The following TMEM41B variants were observed in gnomAD, a reference collection of about 807,000 sequenced individuals.
The protein encoded by TMEM41B is transmembrane protein 41B.
In TMEM41B, 18 loss-of-function variants were observed where a neutral mutation model predicts 31.9. The ratio of observed to expected loss-of-function variants is 0.56; its 90% confidence interval spans 0.39 to 0.84. The LOEUF is 0.84. Ranked by LOEUF, TMEM41B falls within the 40% of genes least tolerant of loss-of-function variation. The pLI is 0.00. For missense variants in TMEM41B, 322 were observed against 348.0 expected (o/e 0.93, Z 0.59); for synonymous variants, 144 against 124.3 (o/e 1.16, Z -1.05).
intron 2 of TMEM41B, among the ~76,000 whole-genome samples, chr11:9,296,119 C>T (rs1051496548): frequency 4.0e-5 from 6 of 150,172 alleles, no homozygotes; most frequent in Admixed American, 4.0e-4. Context: ...GGCCTCCCAA[C>T]GTGCTGGGAT....
At chr11:9,293,927 A>C (rs1011144665) in intron 3 of TMEM41B, among the ~76,000 whole-genome samples, 1 of 152,086 alleles carries the variant, frequency 6.6e-6, no homozygotes, top group Non-Finnish European at 1.5e-5. Context: ...CAGTGTTGTC[A>C]GGCGTGGCGG....
chr11:9,289,135 T>C (rs1295302820), intron 3 of TMEM41B, among the ~76,000 whole-genome samples: 1 of 152,122 alleles, frequency 6.6e-6, no homozygotes, highest in Non-Finnish European at 1.5e-5. Context: ...TTGCAAGTAG[T>C]TGGGATCACG....
chr11:9,309,826 G>A (rs1853510250), intron 1 of TMEM41B, among the ~76,000 whole-genome samples: 1 of 150,568 alleles, frequency 6.6e-6, no homozygotes, highest in Admixed American at 6.6e-5. Context: ...GGAGGCTGAG[G>A]CAGGAGAATG....
chr11:9,314,517 A>G lies in TMEM41B; in HGVS notation c.-76T>C. The G allele has an allele frequency of 6.8e-7, 1 of 1,470,992 alleles. No homozygotes were observed. The highest frequency in any genetic ancestry group is 9.0e-7 in the Non-Finnish European group (1 of 1,107,090). The allele number at this position is 1,470,992 out of a possible 1,614,324, so 91.1% of individuals were successfully genotyped here. ...AAAACTCTGTTGCAGGCTCCTTACT[A>G]CGCCGAAGCGCCACGGCTAGAGCCA... On this transcript the variant is annotated 5_prime_UTR_variant, in exon 1 of 7. Transcript: ENST00000528080.
chr11:9,286,500 CAGG>C lies in TMEM41B; in HGVS notation c.658_660del (p.Pro220del). On this transcript the variant is annotated inframe_deletion, in exon 6 of 7. Coordinates refer to ENST00000528080, the MANE Select transcript of TMEM41B (RefSeq NM_015012.4). ...AAAACTTTCAATGGCACGTTTATCA[CAGG>C]AGATGTGATATTAATAAACCAATTA... 1 of 1,612,582 alleles carries C rather than the reference CAGG, an allele frequency of 6.2e-7. No individual in the cohort carries two copies. The highest frequency in any genetic ancestry group is 8.5e-7 in the Non-Finnish European group (1 of 1,179,578).
chr11:9,309,252 A>G (rs1184423812), intron 1 of TMEM41B, among the ~76,000 whole-genome samples: 1 of 151,816 alleles, frequency 6.6e-6, no homozygotes, highest in Admixed American at 6.6e-5. Flanking sequence ...ATTTCAAAAA[A>G]AAAGAAAGAA....
intron 3 of TMEM41B, among the ~76,000 whole-genome samples, chr11:9,289,625 C>T (rs7114748): frequency 0.7 from 106,263 of 152,050 alleles, 37,454 homozygotes; most frequent in Non-Finnish European, 0.74. Flanking sequence ...ATCCAGCTAC[C>T]GCTCATCTTC....
At chr11:9,304,225 G>C (rs80293955) in intron 1 of TMEM41B, among the ~76,000 whole-genome samples, 2,821 of 152,192 alleles carry the variant, frequency 0.019, 83 homozygotes, top group African/African-American at 0.064. Flanking sequence ...TCTCAGGTAG[G>C]TCAAACATGA....
rs181095329 is a variant in TMEM41B, at chr11:9,287,301, A to C, written c.567+401T>G. On this transcript the variant is annotated intron_variant, in intron 5 of 6. Transcript: ENST00000528080. Reference sequence around the variant, plus strand: ...ACTCCAGCCTGGGTGACAGAGTAAGACTCCGTCTCAAAAAAAGAAAAGAAA... The same window carrying C: ...ACTCCAGCCTGGGTGACAGAGTAAGCCTCCGTCTCAAAAAAAGAAAAGAAA... Among the ~76,000 whole-genome samples the C allele has an allele frequency of 4.6e-3, 693 of 152,080 alleles. 1 individual carries two copies. The highest frequency in any genetic ancestry group is 6.8e-3 in the Middle Eastern group (2 of 294).
chr11:9,285,975 C>G (rs575776218), intron 6 of TMEM41B, among the ~76,000 whole-genome samples: 4 of 151,812 alleles, frequency 2.6e-5, no homozygotes, highest in Admixed American at 2.6e-4. Context: ...ATTAGCCAGA[C>G]GTGGTGGCGT....
chr11:9,288,985 A>T (rs1852896574), intron 3 of TMEM41B, among the ~76,000 whole-genome samples: 1 of 152,198 alleles, frequency 6.6e-6, no homozygotes, highest in South Asian at 2.1e-4. Flanking sequence ...ATAAGAATAG[A>T]AATTACAAAA....
Position 9,302,469 on chromosome 11 carries a change from C to T in TMEM41B, c.122-2768G>A, listed in dbSNP as rs1452280774. On this transcript the variant is annotated intron_variant, in intron 1 of 6. Coordinates refer to ENST00000528080, the MANE Select transcript of TMEM41B (RefSeq NM_015012.4). ...AGTAAGATTTTGCTGATTTTTTTAC[C>T]CCCGCAAGAGACAGGGTCTCCCTAT... Among the ~76,000 whole-genome samples the T allele has an allele frequency of 3.0e-5, 3 of 98,568 alleles. 1 individual carries two copies. The highest frequency in any genetic ancestry group is 1.2e-4 in the African/African-American group (3 of 25,412). The allele number at this position is 98,568 out of a possible 152,430, so 64.7% of individuals were successfully genotyped here. A position where few individuals can be genotyped will look rare whatever the true frequency, so the allele number is the denominator to read the frequency against.
intron 3 of TMEM41B, among the ~76,000 whole-genome samples, chr11:9,294,852 TAAC>T (rs1179754791): frequency 6.6e-6 from 1 of 151,864 alleles, no homozygotes; most frequent in African/African-American, 2.4e-5. Context: ...CTATAAAAAT[TAAC>T]AACAAATTAT....
At chr11:9,290,926 G>A (rs913036267) in intron 3 of TMEM41B, among the ~76,000 whole-genome samples, 8 of 152,056 alleles carry the variant, frequency 5.3e-5, no homozygotes, top group African/African-American at 1.9e-4. Flanking sequence ...GAACAGCCTG[G>A]CCAACACGAT....
chr11:9,290,143 G>C (rs76694657), intron 3 of TMEM41B, among the ~76,000 whole-genome samples: 1 of 152,088 alleles, frequency 6.6e-6, no homozygotes, highest in African/African-American at 2.4e-5. Flanking sequence ...CACTTAGGGA[G>C]TCTGAGGCAG....
intron 3 of TMEM41B, among the ~76,000 whole-genome samples, chr11:9,292,190 T>C (rs1320399974): frequency 1.3e-5 from 2 of 152,212 alleles, no homozygotes; most frequent in Non-Finnish European, 2.9e-5. Flanking sequence ...AGAAACCAGA[T>C]CATTTGTAGA....
At chr11:9,298,098 CCT>C (rs1379425220) in intron 2 of TMEM41B, among the ~76,000 whole-genome samples, 1 of 150,382 alleles carries the variant, frequency 6.6e-6, no homozygotes, top group African/African-American at 2.4e-5. Context: ...GGTGTGAGCC[CCT>C]CTTTCTCAAG....
chr11:9,311,557 G>C (rs569233524), intron 1 of TMEM41B: 1 of 1,202,510 alleles, frequency 8.3e-7, no homozygotes, highest in South Asian at 1.4e-5. Flanking sequence ...GGAGCTCCTG[G>C]GGGAGGAGGA....
intron 6 of TMEM41B, among the ~76,000 whole-genome samples, chr11:9,284,167 G>A (rs1395240985): frequency 4.0e-5 from 6 of 151,824 alleles, no homozygotes; most frequent in African/African-American, 9.7e-5. Context: ...TTCTCCCCCC[G>A]AGAGTTTGAC....
Sources: allele counts gnomAD v4.1 joint callset (sites outside exome capture counted in the v4.1 genomes callset), GRCh38; gene constraint gnomAD v4.1.1; transcripts MANE v1.5; gene names NCBI Gene and HGNC (gene_info 2026-07-23, HGNC 2026-07-21).